The following SLC30A7 variants were observed in gnomAD, a reference collection of about 807,000 sequenced individuals.
SLC30A7 encodes zinc transporter 7.
A neutral mutation model predicts 46.0 loss-of-function variants in SLC30A7; 35 were observed. The observed-to-expected ratio is 0.76, with a 90% CI of 0.58 to 1.01. The LOEUF (loss-of-function observed/expected upper bound fraction) is 1.01. Ranked by LOEUF, SLC30A7 falls within the 50% of genes least tolerant of loss-of-function variation. The pLI is 0.00. For synonymous variants in SLC30A7, 147 were observed against 157.8 expected (o/e 0.93, Z 0.51); for missense variants, 464 against 451.1 (o/e 1.03, Z -0.26).
intron 8 of SLC30A7, among the ~76,000 whole-genome samples, chr1:100,942,882 G>A (rs1654436037): frequency 1.3e-5 from 2 of 152,154 alleles, no homozygotes; most frequent in Non-Finnish European, 2.9e-5. Context: ...GGCTGCCTAG[G>A]TGCCCTTTAA....
intron 5 of SLC30A7, among the ~76,000 whole-genome samples, chr1:100,912,563 C>T (rs1203979475): frequency 6.6e-6 from 1 of 152,066 alleles, no homozygotes; most frequent in South Asian, 2.1e-4. Context: ...GTGGCTTACA[C>T]CTATAATTCC....
At chr1:100,923,480 A>G (rs1653088047) in intron 8 of SLC30A7, among the ~76,000 whole-genome samples, 1 of 152,204 alleles carries the variant, frequency 6.6e-6, no homozygotes, top group African/African-American at 2.4e-5. Flanking sequence ...ACTCTGCTAT[A>G]TAAAAGTCTG....
At chr1:100,931,760 A>G (rs552486932) in intron 8 of SLC30A7, among the ~76,000 whole-genome samples, 12 of 152,324 alleles carry the variant, frequency 7.9e-5, no homozygotes, top group African/African-American at 2.2e-4. Flanking sequence ...AATTGGAGTT[A>G]AAGTGTTCTG....
At chr1:100,902,886 G>C (rs56344882) in intron 2 of SLC30A7, among the ~76,000 whole-genome samples, 22,544 of 152,030 alleles carry the variant, frequency 0.15, 2,404 homozygotes, top group East Asian at 0.55. Context: ...TTCAACATAT[G>C]AATTTGGGCG....
intron 8 of SLC30A7, among the ~76,000 whole-genome samples, chr1:100,932,303 T>C (rs1452709902): frequency 6.6e-6 from 1 of 152,088 alleles, no homozygotes; most frequent in Non-Finnish European, 1.5e-5. Flanking sequence ...TAATCCCAGC[T>C]ACTTGGGAGG....
At chr1:100,907,814 ACT>A (rs1184989157) in intron 3 of SLC30A7, among the ~76,000 whole-genome samples, 1 of 147,036 alleles carries the variant, frequency 6.8e-6, no homozygotes, top group Non-Finnish European at 1.5e-5. Flanking sequence ...TCAGCCTCTT[ACT>A]CTCTCTTATC....
chr1:100,918,574 C>T (rs909308008), intron 7 of SLC30A7, among the ~76,000 whole-genome samples: 3 of 152,052 alleles, frequency 2.0e-5, no homozygotes, highest in South Asian at 2.1e-4. Flanking sequence ...CTAATAAACC[C>T]GTGGTAAATT....
the SLC30A7 span, among the ~76,000 whole-genome samples, chr1:100,987,700 CTG>C: frequency 1.4e-5 from 2 of 147,846 alleles, no homozygotes; most frequent in Admixed American, 6.8e-5. Flanking sequence ...AAGCTATAAA[CTG>C]TATTTCCTTA....
intron 10 of SLC30A7, among the ~76,000 whole-genome samples, chr1:100,970,964 T>C (rs186010926): frequency 1.6e-4 from 24 of 152,240 alleles, no homozygotes; most frequent in African/African-American, 5.8e-4. Context: ...CTAATACATA[T>C]TTACTCCTTG....
At chr1:100,992,639 G>C in the SLC30A7 span, 1 of 1,612,940 alleles carries the variant, frequency 6.2e-7, no homozygotes. Flanking sequence ...TTGAGTACCT[G>C]GTTCTTCTCC....
At position 100,978,247 on chromosome 1, in the gene SLC30A7, G is replaced by A. The variant is rs1039919253; in HGVS notation, c.*3390G>A. Reference sequence around the variant, plus strand: ...TGTCAGCATTCCTGAAAACCTACACGTGTATATCAGTAACCAAAATGCTAT... The same window carrying A: ...TGTCAGCATTCCTGAAAACCTACACATGTATATCAGTAACCAAAATGCTAT... On this transcript the variant is annotated 3_prime_UTR_variant, in exon 11 of 11. Coordinates refer to ENST00000357650, the MANE Select transcript of SLC30A7 (RefSeq NM_133496.5). The A allele has an allele frequency of 6.6e-5, 10 of 152,094 alleles. No homozygotes were observed. Among genetic ancestry groups the A allele is most frequent in the Admixed American group, 5.2e-4 (8 of 15,274 alleles). 9.4% of individuals were successfully genotyped at this position (152,094 alleles called of 1,614,324 possible). A position where few individuals can be genotyped will look rare whatever the true frequency, so the allele number is the denominator to read the frequency against.
intron 8 of SLC30A7, among the ~76,000 whole-genome samples, chr1:100,956,718 T>C (rs939918510): frequency 3.3e-5 from 5 of 152,238 alleles, no homozygotes; most frequent in Non-Finnish European, 7.3e-5. Flanking sequence ...TTTCTCATAC[T>C]GTATGCCTTC....
intron 8 of SLC30A7, among the ~76,000 whole-genome samples, 182 bp downstream of exon 8, chr1:100,922,023 G>A (rs1004686686): frequency 6.9e-6 from 1 of 144,726 alleles, no homozygotes; most frequent in Non-Finnish European, 1.5e-5. Context: ...GCACTGTCTC[G>A]GCTCATAGCC....
rs1656373112 is a variant in SLC30A7 at position 100,974,872 on chromosome 1, T to C, written c.*15T>C. 6.3e-7 allele frequency: 1 copy of C among 1,596,814 alleles called. No homozygotes were observed. The highest frequency in any genetic ancestry group is 8.6e-7 in the Non-Finnish European group (1 of 1,167,814). On this transcript the variant is annotated 3_prime_UTR_variant, in exon 11 of 11. Coordinates refer to ENST00000357650, the MANE Select transcript of SLC30A7 (RefSeq NM_133496.5). Reference sequence around the variant, plus strand: ...CAGCCATGTAGTGAATGGAAAGAAATTATGCACCTTTTATGGACCAAATTT... The same window carrying C: ...CAGCCATGTAGTGAATGGAAAGAAACTATGCACCTTTTATGGACCAAATTT...
Position 100,918,107 on chromosome 1 carries a change from C to T in SLC30A7, c.686C>T (p.Pro229Leu), listed in dbSNP as rs777069737. The T allele has an allele frequency of 6.2e-7, 1 of 1,612,276 alleles. No individual in the cohort carries two copies. Among genetic ancestry groups the T allele is most frequent in the Admixed American group, 1.7e-5 (1 of 59,954 alleles). Residue 229 changes from proline to leucine, a missense_variant, in exon 7 of 11, where the codon CCC becomes CTC. Transcript: ENST00000357650. ...DGPSLKETTG[P>L]SRQILQGVFL... is the part of the protein sequence containing the mutation. ...CCGTCCTTAAAAGAAACAACAGGAC[C>T]CAGCAGACAGATTTTACAAGGTATG... is the stretch of plus-strand genomic sequence containing the variant.
At chr1:100,912,546 G>A (rs1652174404) in intron 5 of SLC30A7, among the ~76,000 whole-genome samples, 1 of 152,028 alleles carries the variant, frequency 6.6e-6, no homozygotes, top group African/African-American at 2.4e-5. Flanking sequence ...TGTGTGGGCT[G>A]GGCACAGTGG....
intron 2 of SLC30A7, among the ~76,000 whole-genome samples, chr1:100,903,282 G>A (rs115854232): frequency 6.6e-6 from 1 of 151,498 alleles, no homozygotes; most frequent in African/African-American, 2.4e-5. Context: ...TTTTCTTGGG[G>A]GATCGAAAAC....
rs556237524 is a variant in SLC30A7 at position 100,950,328 on chromosome 1, A to T, written c.843-11500A>T. Reference sequence around the variant, plus strand: ...ACTTACTTTGAGATATTCAATAAAAAATATATTCTCACAGTGTTATTTAAA... The same window carrying T: ...ACTTACTTTGAGATATTCAATAAAATATATATTCTCACAGTGTTATTTAAA... On this transcript the variant is annotated intron_variant, in intron 8 of 10. Coordinates refer to ENST00000357650, the MANE Select transcript of SLC30A7 (RefSeq NM_133496.5). Among the ~76,000 whole-genome samples, 5 of 152,378 alleles carry T rather than the reference A, an allele frequency of 3.3e-5. No individual in the cohort carries two copies. The South Asian group carries it at 1.0e-3, about 32-fold the overall frequency.
chr1:100,937,392 TA>T lies in SLC30A7; in HGVS notation c.842+15552del, dbSNP rs534381929. Among the ~76,000 whole-genome samples, 308 of 152,348 alleles carry T rather than the reference TA, an allele frequency of 2.0e-3. 1 individual carries two copies. The highest frequency in any genetic ancestry group is 7.2e-3 in the African/African-American group (298 of 41,594). ...TGCCACACCAGTTTACATTTTCACC[TA>T]CAATGCAGAAGGGTTGTAATTTCTC... On this transcript the variant is annotated intron_variant, in intron 8 of 10. Transcript: ENST00000357650.
Sources: allele counts gnomAD v4.1 joint callset (sites outside exome capture counted in the v4.1 genomes callset), GRCh38; gene constraint gnomAD v4.1.1; transcripts MANE v1.5; gene names NCBI Gene and HGNC (gene_info 2026-07-23, HGNC 2026-07-21).